Variants in RAB8B observed in about 807,000 individuals in gnomAD.
The protein encoded by RAB8B is RAB8B, member RAS oncogene family.
In RAB8B, 11 loss-of-function variants were observed where a neutral mutation model predicts 32.0. The ratio of observed to expected loss-of-function variants is 0.34; its 90% CI spans 0.22 to 0.57. The LOEUF is 0.57. Ranked by LOEUF, RAB8B falls within the 20% of genes least tolerant of loss-of-function variation. The pLI is 0.86. For missense variants in RAB8B, 190 were observed against 258.5 expected, an observed-to-expected ratio of 0.73 and a Z score of 1.82; for synonymous variants, 103 against 89.6, an observed-to-expected ratio of 1.15 and a Z score of -0.85.
intron 1 of RAB8B, among the ~76,000 whole-genome samples, chr15:63,226,325 A>G (rs185506239): frequency 6.6e-6 from 1 of 152,328 alleles, no homozygotes; most frequent in Admixed American, 6.5e-5. Flanking sequence ...CTGTTCTACA[A>G]TTTGATAAAT....
At chr15:63,220,721 A>G (rs1376069956) in intron 1 of RAB8B, among the ~76,000 whole-genome samples, 1 of 152,186 alleles carries the variant, frequency 6.6e-6, no homozygotes, top group East Asian at 1.9e-4. Context: ...TTGTATTCCA[A>G]AGTAATTGAT....
At chr15:63,203,074 G>A (rs1669782950) in intron 1 of RAB8B, among the ~76,000 whole-genome samples, 1 of 152,190 alleles carries the variant, frequency 6.6e-6, no homozygotes, top group African/African-American at 2.4e-5. Flanking sequence ...CACCAACATC[G>A]GAGAGGAAAA....
chr15:63,241,669 A>G (rs1477659243), intron 1 of RAB8B, among the ~76,000 whole-genome samples: 2 of 151,938 alleles, frequency 1.3e-5, no homozygotes, highest in African/African-American at 4.8e-5. Context: ...GTTTCTATGG[A>G]TTTGGAAAGT....
At chr15:63,253,775 T>C (rs2038136836) in intron 3 of RAB8B, among the ~76,000 whole-genome samples, 1 of 152,192 alleles carries the variant, frequency 6.6e-6, no homozygotes, top group East Asian at 1.9e-4. Context: ...GTGTGGTAGG[T>C]AAGATTCTGG....
intron 1 of RAB8B, among the ~76,000 whole-genome samples, chr15:63,232,388 A>G (rs1352339867): frequency 1.3e-5 from 2 of 152,214 alleles, no homozygotes; most frequent in East Asian, 3.8e-4. Flanking sequence ...ATGCATGTTT[A>G]TGGCTCAAAG....
chr15:63,203,827 GT>G (rs1207988641), intron 1 of RAB8B, among the ~76,000 whole-genome samples: 2 of 151,978 alleles, frequency 1.3e-5, no homozygotes, highest in South Asian at 2.1e-4. Context: ...TAAACCCCAT[GT>G]TTTTTTTCAA....
intron 1 of RAB8B, among the ~76,000 whole-genome samples, chr15:63,236,869 A>G (rs1370843887): frequency 6.6e-6 from 1 of 152,140 alleles, no homozygotes; most frequent in Non-Finnish European, 1.5e-5. Flanking sequence ...TATTTTTTGT[A>G]CCCATTAACC....
chr15:63,247,101 A>G (rs1227626220), intron 2 of RAB8B, among the ~76,000 whole-genome samples: 1 of 152,186 alleles, frequency 6.6e-6, no homozygotes, highest in Non-Finnish European at 1.5e-5. Context: ...GTGCCAGCAG[A>G]TACAGTGTCT....
intron 1 of RAB8B, among the ~76,000 whole-genome samples, chr15:63,223,312 G>A (rs1440762368): frequency 2.0e-5 from 3 of 151,682 alleles, no homozygotes; most frequent in African/African-American, 7.3e-5. Flanking sequence ...GGGTTTCACT[G>A]TATTGGCCAG....
At chr15:63,205,449 G>A (rs1388632350) in intron 1 of RAB8B, among the ~76,000 whole-genome samples, 1 of 152,160 alleles carries the variant, frequency 6.6e-6, no homozygotes, top group African/African-American at 2.4e-5. Context: ...AGTGAGCTAT[G>A]ATGGCACCAT....
chr15:63,230,499 G>A (rs1437993226), intron 1 of RAB8B, among the ~76,000 whole-genome samples: 3 of 152,066 alleles, frequency 2.0e-5, no homozygotes, highest in East Asian at 3.9e-4. Context: ...ACACGGTTTC[G>A]CCACGTTGGC....
intron 3 of RAB8B, among the ~76,000 whole-genome samples, chr15:63,252,603 G>A (rs2038125650): frequency 6.6e-6 from 1 of 152,096 alleles, no homozygotes; most frequent in African/African-American, 2.4e-5. Context: ...CAGTTATTTG[G>A]GTAATTTTAA....
intron 1 of RAB8B, among the ~76,000 whole-genome samples, chr15:63,215,510 G>GAA (rs2141118491): frequency 6.6e-6 from 1 of 152,312 alleles, no homozygotes; most frequent in South Asian, 2.1e-4. Flanking sequence ...AAGGAACTGA[G>GAA]AATCCCTATG....
At position 63,259,575 on chromosome 15, in the gene RAB8B, T is replaced by C; in HGVS notation, c.415-52T>C. ...AAAAACCTAAGAAATACAAATGCAT[T>C]ATGTGTTCAAGTATCTTTTGCTAAA... is the stretch of plus-strand genomic sequence containing the variant. On this transcript the variant is annotated intron_variant, in intron 5 of 7. Coordinates refer to ENST00000321437, the MANE Select transcript of RAB8B (RefSeq NM_016530.3). The surrounding 1 kb of genome is among the most constrained non-coding windows in gnomAD (Gnocchi z 4.4). The C allele has an allele frequency of 6.8e-7, 1 of 1,467,358 alleles. No individual in the cohort carries two copies. The highest frequency in any genetic ancestry group is 1.4e-5 in the African/African-American group (1 of 71,874). The allele number at this position is 1,467,358 out of a possible 1,614,324, so 90.9% of individuals were successfully genotyped here.
intron 1 of RAB8B, among the ~76,000 whole-genome samples, chr15:63,206,922 G>A (rs2037702682): frequency 6.6e-6 from 1 of 152,006 alleles, no homozygotes; most frequent in Non-Finnish European, 1.5e-5. Context: ...TCCTTTCTCA[G>A]TCTTTGTCAT....
Position 63,253,773 on chromosome 15 carries a change from G to A in RAB8B, c.247-1734G>A, listed in dbSNP as rs555269578. ...TCTGAATAAGGCCATGTGTGTGGTAGGTAAGATTCTGGAATATTTAGGACA... is the reference window on the plus strand; with the variant it reads ...TCTGAATAAGGCCATGTGTGTGGTAAGTAAGATTCTGGAATATTTAGGACA... On this transcript the variant is annotated intron_variant, in intron 3 of 7. Coordinates refer to ENST00000321437, the MANE Select transcript of RAB8B (RefSeq NM_016530.3). Among the ~76,000 whole-genome samples the A allele has an allele frequency of 2.6e-5, 4 of 152,340 alleles. No homozygotes were observed. The South Asian group carries it at 6.2e-4, about 24-fold the overall frequency.
chr15:63,266,249 A>G lies in RAB8B; in HGVS notation c.*2630A>G, dbSNP rs938907406. The G allele has an allele frequency of 2.0e-5, 3 of 152,610 alleles. No individual in the cohort carries two copies. Among genetic ancestry groups the G allele is most frequent in the African/African-American group, 7.2e-5 (3 of 41,456 alleles). 9.5% of individuals were successfully genotyped at this position (152,610 alleles called of 1,614,324 possible). Reference sequence around the variant, plus strand: ...ATTAATCAGTGTGTTAATTTTTGACAGTGATTGGACTAGACCTTTTCAAAT... The same window carrying G: ...ATTAATCAGTGTGTTAATTTTTGACGGTGATTGGACTAGACCTTTTCAAAT... On this transcript the variant is annotated 3_prime_UTR_variant, in exon 8 of 8. Coordinates refer to ENST00000321437, the MANE Select transcript of RAB8B (RefSeq NM_016530.3).
chr15:63,193,554 G>A (rs968036070), intron 1 of RAB8B, among the ~76,000 whole-genome samples: 6 of 152,176 alleles, frequency 3.9e-5, no homozygotes, highest in Non-Finnish European at 5.9e-5. Flanking sequence ...GCTCATGCCT[G>A]TAATCTCAGC....
At chr15:63,233,625 T>C (rs575168046) in intron 1 of RAB8B, among the ~76,000 whole-genome samples, 2 of 152,218 alleles carry the variant, frequency 1.3e-5, no homozygotes, top group African/African-American at 2.4e-5. Context: ...GTATCTTTAT[T>C]GTTAATCAAA....
Sources: allele counts gnomAD v4.1 joint callset (sites outside exome capture counted in the v4.1 genomes callset), GRCh38; gene constraint gnomAD v4.1.1; non-coding constraint Gnocchi (gnomAD v3.1); transcripts MANE v1.5; gene names NCBI Gene and HGNC (gene_info 2026-07-23, HGNC 2026-07-21).